SPIN1: variants seen among roughly 807,000 people sequenced by gnomAD.
SPIN1 encodes the protein spindlin 1, also known as spindlin-1.
A neutral mutation model predicts 26.0 loss-of-function variants in SPIN1; 3 were observed. The observed-to-expected ratio is 0.12, with a 90% CI of 0.05 to 0.30. SPIN1 has a LOEUF of 0.30. Among genes scored for constraint, SPIN1 ranks in the 10% least tolerant of loss-of-function variants. SPIN1 has a pLI of 1.00. For synonymous variants in SPIN1, 101 were observed against 116.5 expected (o/e 0.87, Z 0.86); for missense variants, 126 against 333.4 (o/e 0.38, Z 4.84).
In SPIN1 at chr9:88,468,306, C is replaced by G. The variant is rs1473041278; in HGVS notation, c.356-66C>G. 3.4e-6 allele frequency: 4 copies of G among 1,191,388 alleles called. No individual in the cohort carries two copies. In the African/African-American group the frequency reaches 6.2e-5, roughly 19 times the overall value. 73.8% of individuals were successfully genotyped at this position (1,191,388 alleles called of 1,614,324 possible). ...CAGGTGTAGCCTTCTTTAGTAAATT[C>G]AGTCTTCATAGTCGGTAATCAGCGA... On this transcript the variant is annotated intron_variant, in intron 4 of 5. Coordinates refer to ENST00000375859, the MANE Select transcript of SPIN1 (RefSeq NM_006717.3).
Position 88,476,683 on chromosome 9 carries a change from T to G in SPIN1, c.*1406T>G, listed in dbSNP as rs1005669637. On this transcript the variant is annotated 3_prime_UTR_variant, in exon 6 of 6. Transcript: ENST00000375859. Reference sequence around the variant, plus strand: ...TTATTCCTGCAAGGTTGTTTTAAACTGAAATAGAACTGCTAGTGTGATTGG... The same window carrying G: ...TTATTCCTGCAAGGTTGTTTTAAACGGAAATAGAACTGCTAGTGTGATTGG... The G allele has an allele frequency of 6.6e-6, 1 of 152,230 alleles. No individual in the cohort carries two copies. The highest frequency in any genetic ancestry group is 1.9e-4 in the East Asian group (1 of 5,200). The allele number at this position is 152,230 out of a possible 1,614,324, so 9.4% of individuals were successfully genotyped here. A position where few individuals can be genotyped will look rare whatever the true frequency, so the allele number is the denominator to read the frequency against.
At chr9:88,460,871 C>T (rs904755472) in intron 3 of SPIN1, among the ~76,000 whole-genome samples, 5 of 152,198 alleles carry the variant, frequency 3.3e-5, no homozygotes, top group African/African-American at 9.7e-5. Context: ...TAAGTTGACA[C>T]ACAAAATTAA....
chr9:88,397,018 A>G (rs1320808095), intron 1 of SPIN1, among the ~76,000 whole-genome samples: 1 of 152,044 alleles, frequency 6.6e-6, no homozygotes, highest in African/African-American at 2.4e-5. Context: ...CAGGACTGGA[A>G]GTTGCTCTGG....
chr9:88,388,859 C>T (rs879392923), intron 1 of SPIN1, among the ~76,000 whole-genome samples: 16 of 150,858 alleles, frequency 1.1e-4, no homozygotes, highest in Non-Finnish European at 1.6e-4. Context: ...CCGCCGGCCC[C>T]TTAGCGCGCG....
chr9:88,406,435 C>T (rs750351193), intron 1 of SPIN1, among the ~76,000 whole-genome samples: 9 of 151,888 alleles, frequency 5.9e-5, no homozygotes, highest in African/African-American at 1.7e-4. Flanking sequence ...GGACTACAGG[C>T]GCCTGCCAAC....
At chr9:88,453,344 T>C (rs888901856) in intron 3 of SPIN1, among the ~76,000 whole-genome samples, 6 of 152,088 alleles carry the variant, frequency 3.9e-5, no homozygotes, top group Non-Finnish European at 7.4e-5. Flanking sequence ...ACCCAAGGTA[T>C]GGTTCATGGA....
intron 1 of SPIN1, among the ~76,000 whole-genome samples, chr9:88,420,469 C>T (rs2117999579): frequency 6.6e-6 from 1 of 152,318 alleles, no homozygotes; most frequent in East Asian, 1.9e-4. Context: ...AGGAATGGAG[C>T]CAGCCAGTCC....
intron 2 of SPIN1, among the ~76,000 whole-genome samples, chr9:88,441,012 A>G (rs2053653367): frequency 6.6e-6 from 1 of 151,766 alleles, no homozygotes; most frequent in African/African-American, 2.4e-5. Flanking sequence ...ACTTTATGAC[A>G]ATAAAATTTA....
rs890359092 is a variant in SPIN1, at chr9:88,410,826, G to A, written c.-158-15556G>A. 1.1e-5 allele frequency: 10 copies of A among 932,326 alleles called. No individual in the cohort carries two copies. The African/African-American group carries it at 1.6e-4, about 15-fold the overall frequency. The allele number at this position is 932,326 out of a possible 1,614,324, so 57.8% of individuals were successfully genotyped here. On this transcript the variant is annotated intron_variant, in intron 1 of 5. Transcript: ENST00000375859. ...TGAAGTTTCCTCCACTACCAGAGTTGTCATTCCCACTGAAACCACCTCCAC... is the reference window on the plus strand; with the variant it reads ...TGAAGTTTCCTCCACTACCAGAGTTATCATTCCCACTGAAACCACCTCCAC...
chr9:88,419,164 A>C (rs139423754), intron 1 of SPIN1, among the ~76,000 whole-genome samples: 2 of 152,178 alleles, frequency 1.3e-5, no homozygotes, highest in African/African-American at 4.8e-5. Flanking sequence ...CTTCCTCTTA[A>C]AGCAGCCTTT....
intron 1 of SPIN1, among the ~76,000 whole-genome samples, chr9:88,388,773 C>T (rs1029012032): frequency 6.7e-6 from 1 of 149,846 alleles, no homozygotes; most frequent in African/African-American, 2.4e-5. Flanking sequence ...TCGCCGGCCC[C>T]TACTCCTCCG....
chr9:88,471,093 TTTA>T (rs770211599), intron 5 of SPIN1, among the ~76,000 whole-genome samples: 62 of 152,228 alleles, frequency 4.1e-4, no homozygotes, highest in Non-Finnish European at 8.5e-4. Context: ...GCACAAAAGT[TTTA>T]AACTCTGAAG....
At chr9:88,465,008 A>G (rs1462665056) in intron 4 of SPIN1, among the ~76,000 whole-genome samples, 2 of 152,158 alleles carry the variant, frequency 1.3e-5, no homozygotes, top group Admixed American at 1.3e-4. Flanking sequence ...ATCACACAGT[A>G]TTTGTTTTGT....
chr9:88,412,110 C>T (rs1827462286), intron 1 of SPIN1, among the ~76,000 whole-genome samples: 1 of 151,708 alleles, frequency 6.6e-6, no homozygotes, highest in Non-Finnish European at 1.5e-5. Flanking sequence ...ACCCAGGAGG[C>T]GGAGCTTGCA....
At chr9:88,433,029 A>G (rs896551177) in intron 2 of SPIN1, among the ~76,000 whole-genome samples, 11 of 149,912 alleles carry the variant, frequency 7.3e-5, no homozygotes, top group African/African-American at 2.7e-4. Flanking sequence ...TTTTATTCTC[A>G]TACTTGTTTA....
At chr9:88,391,592 T>A (rs976025111) in intron 1 of SPIN1, 1 of 152,222 alleles carries the variant, frequency 6.6e-6, no homozygotes, top group African/African-American at 2.4e-5. Context: ...TTACTTCTAC[T>A]CCTGAGGCAA....
intron 2 of SPIN1, among the ~76,000 whole-genome samples, chr9:88,441,347 C>T (rs1030903631): frequency 1.4e-5 from 2 of 146,116 alleles, no homozygotes. Flanking sequence ...GGAGGGACGG[C>T]TGTATTCCTG....
At chr9:88,458,472 G>T (rs1014628799) in intron 3 of SPIN1, among the ~76,000 whole-genome samples, 3 of 152,172 alleles carry the variant, frequency 2.0e-5, no homozygotes, top group Non-Finnish European at 2.9e-5. Context: ...CTCCTTGGAG[G>T]TGTCTAGTAT....
At chr9:88,437,513 G>A (rs1587798339) in intron 2 of SPIN1, among the ~76,000 whole-genome samples, 2 of 143,034 alleles carry the variant, frequency 1.4e-5, no homozygotes. Flanking sequence ...AAAAAAAAAA[G>A]AAGGAAAGAA....
Sources: gnomAD v4.1 joint callset for allele counts (sites outside exome capture counted in the v4.1 genomes callset) on GRCh38, gnomAD v4.1.1 for gene constraint, MANE v1.5 for transcripts, NCBI Gene and HGNC (gene_info 2026-07-23, HGNC 2026-07-21) for gene names.